FOXK1: variants seen among roughly 807,000 people sequenced by gnomAD.
The protein encoded by FOXK1 is forkhead box K1.
Under a neutral mutation model 51.9 loss-of-function variants are expected in FOXK1, and 19 were observed. The ratio of observed to expected loss-of-function variants is 0.37; its 90% CI spans 0.26 to 0.54. The LOEUF (loss-of-function observed/expected upper bound fraction) is 0.54. FOXK1 is among the 20% of genes least tolerant of loss of function. The pLI is 0.87. For synonymous variants in FOXK1, 537 were observed against 482.6 expected, an observed-to-expected ratio of 1.11 and a Z score of -1.48; for missense variants, 870 against 1,032.7, an observed-to-expected ratio of 0.84 and a Z score of 2.16.
In FOXK1 at chr7:4,709,788, C is replaced by T. The variant is rs10259200; in HGVS notation, c.560+26920C>T. On this transcript the variant is annotated intron_variant, in intron 1 of 8. Transcript: ENST00000328914. The surrounding 1 kb of genome is among the most constrained non-coding windows in gnomAD (Gnocchi z 5.6). ...TTGAGTGACCTCACGATGTGCTGTCCGTCTTCTCGCTGTTCAGCCAGCAGT... is the reference window on the plus strand; with the variant it reads ...TTGAGTGACCTCACGATGTGCTGTCTGTCTTCTCGCTGTTCAGCCAGCAGT... Among the ~76,000 whole-genome samples, 67 of 152,246 alleles carry T rather than the reference C, an allele frequency of 4.4e-4. No homozygotes were observed. The highest frequency in any genetic ancestry group is 1.5e-3 in the African/African-American group (61 of 41,514).
intron 1 of FOXK1, among the ~76,000 whole-genome samples, chr7:4,695,465 G>A (rs966074899): frequency 2.0e-5 from 3 of 152,156 alleles, no homozygotes; most frequent in African/African-American, 7.2e-5. Flanking sequence ...TATCTGTGCT[G>A]TCCAACATGG....
At position 4,717,694 on chromosome 7, in the gene FOXK1, T is replaced by C. The variant is rs78805347; in HGVS notation, c.561-23144T>C. 3.3e-3 allele frequency among the ~76,000 whole-genome samples: 507 copies of C among 152,282 alleles called. 4 individuals carry two copies. The highest frequency in any genetic ancestry group is 0.012 in the African/African-American group (493 of 41,552). On this transcript the variant is annotated intron_variant, in intron 1 of 8. Transcript: ENST00000328914. ...GACCTCACTGCCCGCCTGGTCCTGG[T>C]GGCCTCCTTGTCTCTCTGAGCATTG...
At chr7:4,686,616 C>G (rs1011706061) in intron 1 of FOXK1, among the ~76,000 whole-genome samples, 8 of 152,140 alleles carry the variant, frequency 5.3e-5, no homozygotes, top group African/African-American at 1.9e-4. Context: ...AGCGTTTCTT[C>G]TAGACCATAA....
In FOXK1 at chr7:4,743,761, C is replaced by A. The variant is rs945018480; in HGVS notation, c.746+2738C>A. Among the ~76,000 whole-genome samples, 1 of 152,140 alleles carries A rather than the reference C, an allele frequency of 6.6e-6. No homozygotes were observed. Among genetic ancestry groups the A allele is most frequent in the African/African-American group, 2.4e-5 (1 of 41,430 alleles). On this transcript the variant is annotated intron_variant, in intron 2 of 8. Coordinates refer to ENST00000328914, the MANE Select transcript of FOXK1 (RefSeq NM_001037165.2). The surrounding 1 kb of genome is among the most constrained non-coding windows in gnomAD (Gnocchi z 5.3). ...GGGCGGGTAGCAAAGGCCTCAGGTC[C>A]AGAGAGAAGCAGGCCAGGCAGCGAT...
chr7:4,768,007 C>T lies in FOXK1; in HGVS notation c.*5543C>T, dbSNP rs529579210. 3 of 152,192 alleles carry T rather than the reference C, an allele frequency of 2.0e-5. No homozygotes were observed. The highest frequency in any genetic ancestry group is 3.9e-4 in the East Asian group (2 of 5,166). 9.4% of individuals were successfully genotyped at this position (152,192 alleles called of 1,614,324 possible). On this transcript the variant is annotated 3_prime_UTR_variant, in exon 9 of 9. Transcript: ENST00000328914. The stretch of plus-strand genomic sequence containing the variant: ...TGCTGCGTCCTTTCCTCTGTCCTCC[C>T]TGTCACCCAAACCCCGAAGTCACAG...
chr7:4,762,132 C>T lies in FOXK1; in HGVS notation c.1922-52C>T. 2.0e-6 allele frequency: 3 copies of T among 1,507,258 alleles called. No individual in the cohort carries two copies. The highest frequency in any genetic ancestry group is 2.7e-6 in the Non-Finnish European group (3 of 1,119,984). 93.4% of individuals were successfully genotyped at this position (1,507,258 alleles called of 1,614,324 possible). A position where few individuals can be genotyped will look rare whatever the true frequency, so the allele number is the denominator to read the frequency against. ...CCCTGTATAGGGGACTTGAAAAAAGCAGCTGGGTCCTAACCAGACCCCAGA... is the reference window on the plus strand; with the variant it reads ...CCCTGTATAGGGGACTTGAAAAAAGTAGCTGGGTCCTAACCAGACCCCAGA... On this transcript the variant is annotated intron_variant, in intron 8 of 8. Coordinates refer to ENST00000328914, the MANE Select transcript of FOXK1 (RefSeq NM_001037165.2). The surrounding 1 kb of genome is among the most constrained non-coding windows in gnomAD (Gnocchi z 5.7).
At position 4,762,390 on chromosome 7, in the gene FOXK1, C is replaced by T. The variant is rs770942503; in HGVS notation, c.2128C>T (p.Pro710Ser). ...PEVKRSRVEE[P>S]SGAVTTPAGV... ...GGTCAAAAGGTCCCGGGTGGAGGAG[C>T]CCAGTGGTGCTGTAACCACACCGGC... is the stretch of plus-strand genomic sequence containing the variant. The change falls in exon 9 of 9, where the codon CCC (proline) becomes TCC (serine). Residue 710 changes from proline (P) to serine (S), a missense_variant. Around this residue, in one of 3 missense-constraint regions of FOXK1, gnomAD observed 457 missense variants for 510.8 expected, o/e 0.89. Transcript: ENST00000328914. The surrounding 1 kb of genome is among the most constrained non-coding windows in gnomAD (Gnocchi z 5.7). 6.5e-7 allele frequency: 1 copy of T among 1,550,018 alleles called. No homozygotes were observed. The highest frequency in any genetic ancestry group is 8.7e-7 in the Non-Finnish European group (1 of 1,147,300).
At chr7:4,741,979 C>G (rs1434863841) in intron 2 of FOXK1, among the ~76,000 whole-genome samples, 1 of 152,256 alleles carries the variant, frequency 6.6e-6, no homozygotes, top group African/African-American at 2.4e-5. Flanking sequence ...TTCATACATT[C>G]TTTAATGATT....
Position 4,764,961 on chromosome 7 carries a change from G to A in FOXK1, c.*2497G>A, listed in dbSNP as rs904467485. 1 of 152,458 alleles carries A rather than the reference G, an allele frequency of 6.6e-6. No homozygotes were observed. The highest frequency in any genetic ancestry group is 1.5e-5 in the Non-Finnish European group (1 of 68,180). 9.4% of individuals were successfully genotyped at this position (152,458 alleles called of 1,614,324 possible). A position where few individuals can be genotyped will look rare whatever the true frequency, so the allele number is the denominator to read the frequency against. On this transcript the variant is annotated 3_prime_UTR_variant, in exon 9 of 9. Coordinates refer to ENST00000328914, the MANE Select transcript of FOXK1 (RefSeq NM_001037165.2). ...TCTGATTTCACTGCTTCATTGCCAA[G>A]GGCGTGGAAAGGGGGTGGTGGATGG...
chr7:4,705,986 A>G lies in FOXK1; in HGVS notation c.560+23118A>G, dbSNP rs549467349. 5.5e-4 allele frequency among the ~76,000 whole-genome samples: 58 copies of G among 104,978 alleles called. 1 individual carries two copies. The highest frequency in any genetic ancestry group is 1.2e-3 in the South Asian group (5 of 4,062). The allele number at this position is 104,978 out of a possible 152,430, so 68.9% of individuals were successfully genotyped here. A position where few individuals can be genotyped will look rare whatever the true frequency, so the allele number is the denominator to read the frequency against. ...TATATATATATACGTATATATACGT[A>G]TATATACGTATATATACGTATATAT... On this transcript the variant is annotated intron_variant, in intron 1 of 8. Transcript: ENST00000328914.
chr7:4,714,954 A>G (rs1780216262), intron 1 of FOXK1, among the ~76,000 whole-genome samples: 1 of 152,176 alleles, frequency 6.6e-6, no homozygotes, highest in Non-Finnish European at 1.5e-5. Context: ...GTGTGTATTC[A>G]GGGAGTGTCT....
intron 1 of FOXK1, among the ~76,000 whole-genome samples, chr7:4,705,914 T>C (rs1780084295): frequency 6.7e-6 from 1 of 148,668 alleles, no homozygotes; most frequent in Admixed American, 6.7e-5. Flanking sequence ...GTTATATATC[T>C]ATATAAACTA....
Position 4,761,714 on chromosome 7 carries a change from G to T in FOXK1, c.1921+426G>T, listed in dbSNP as rs1273639424. ...CCTGTCCCTTTAAAAAAAAAGTGGG[G>T]GGAAAGAAAACAGGGTGGAAGGAAA... On this transcript the variant is annotated intron_variant, in intron 8 of 8. Transcript: ENST00000328914. The surrounding 1 kb of genome is among the most constrained non-coding windows in gnomAD (Gnocchi z 6.2). Among the ~76,000 whole-genome samples, 1 of 152,084 alleles carries T rather than the reference G, an allele frequency of 6.6e-6. No homozygotes were observed. Among genetic ancestry groups the T allele is most frequent in the Admixed American group, 6.6e-5 (1 of 15,254 alleles).
chr7:4,734,478 A>G lies in FOXK1; in HGVS notation c.561-6360A>G, dbSNP rs1361303030. 6.6e-6 allele frequency among the ~76,000 whole-genome samples: 1 copy of G among 151,800 alleles called. No homozygotes were observed. The highest frequency in any genetic ancestry group is 6.6e-5 in the Admixed American group (1 of 15,228). ...TCGTCTGCTTCCTCCTTGCCCCTCA[A>G]ACTCCTTTGCCTCAGTCCCTGTCTT... On this transcript the variant is annotated intron_variant, in intron 1 of 8. Transcript: ENST00000328914. The surrounding 1 kb of genome is among the most constrained non-coding windows in gnomAD (Gnocchi z 5.2).
intron 1 of FOXK1, among the ~76,000 whole-genome samples, chr7:4,696,763 G>A (rs919199233): frequency 6.6e-6 from 1 of 152,170 alleles, no homozygotes; most frequent in East Asian, 1.9e-4. Flanking sequence ...TTTCTGAATG[G>A]TGGGCAGAAA....
intron 1 of FOXK1, among the ~76,000 whole-genome samples, chr7:4,701,965 C>T (rs773542703): frequency 1.1e-4 from 16 of 152,132 alleles, no homozygotes. Context: ...CTCGCAGCTA[C>T]TTGGGAGGCT....
chr7:4,687,335 C>G (rs1009886129), intron 1 of FOXK1, among the ~76,000 whole-genome samples: 1 of 150,582 alleles, frequency 6.6e-6, no homozygotes, highest in Non-Finnish European at 1.5e-5. Context: ...CTCTGTTGCC[C>G]GGGCTGGAGT....
intron 1 of FOXK1, among the ~76,000 whole-genome samples, chr7:4,718,855 G>A (rs1194844391): frequency 6.6e-6 from 1 of 152,166 alleles, no homozygotes; most frequent in Non-Finnish European, 1.5e-5. Context: ...TGTCACCCAG[G>A]CTGGAGTGCA....
chr7:4,682,726 C>T lies in FOXK1; in HGVS notation c.418C>T (p.Leu140=), dbSNP rs779174927. ...SQGSVDLSMG[L]SSFISRRHLQ... is the part of the protein sequence containing the mutation. ...GGGCTCGGTGGACTTGAGCATGGGCCTGTCCAGCTTCATCTCGCGGCGCCA... is the reference window on the plus strand; with the variant it reads ...GGGCTCGGTGGACTTGAGCATGGGCTTGTCCAGCTTCATCTCGCGGCGCCA... Residue 140 remains leucine (L), a synonymous_variant, in exon 1 of 9, where the codon CTG becomes TTG. Transcript: ENST00000328914. This position sits in a 1 kb window ranked among gnomAD's most constrained non-coding sequence, Gnocchi z 7.6. 5.6e-6 allele frequency: 9 copies of T among 1,604,734 alleles called. No individual in the cohort carries two copies. In the Admixed American group the frequency reaches 1.0e-4, roughly 18 times the overall value.
Sources: allele counts gnomAD v4.1 joint callset (sites outside exome capture counted in the v4.1 genomes callset), GRCh38; gene constraint gnomAD v4.1.1; regional missense constraint gnomAD v4.1.1; non-coding constraint Gnocchi (gnomAD v3.1); transcripts MANE v1.5; gene names NCBI Gene and HGNC (gene_info 2026-07-23, HGNC 2026-07-21).